KMT2C: variants seen among roughly 807,000 people sequenced by gnomAD.
KMT2C encodes lysine methyltransferase 2C.
Under a neutral mutation model 507.9 loss-of-function variants are expected in KMT2C, and 88 were observed. The observed-to-expected ratio is 0.17, with a 90% confidence interval of 0.15 to 0.21. The LOEUF (loss-of-function observed/expected upper bound fraction) is 0.21. Among genes scored for constraint, KMT2C ranks in the 10% least tolerant of loss-of-function variants. The pLI is 1.00. For missense variants in KMT2C, 4,954 were observed against 5,957.8 expected, an observed-to-expected ratio of 0.83 and a Z score of 5.55; for synonymous variants, 2,049 against 2,080.8, an observed-to-expected ratio of 0.98 and a Z score of 0.42.
At position 152,180,094 on chromosome 7, in the gene KMT2C, C is replaced by T. The variant is rs753656698; in HGVS notation, c.7182G>A (p.Gln2394=). The T allele has an allele frequency of 1.2e-6, 2 of 1,614,194 alleles. No homozygotes were observed. The highest frequency in any genetic ancestry group is 4.5e-5 in the East Asian group (2 of 44,888). Residue 2394 remains glutamine, a synonymous_variant, in exon 37 of 59, where the codon CAG becomes CAA. Coordinates refer to ENST00000262189, the MANE Select transcript of KMT2C (RefSeq NM_170606.3). ...GACCTGCAATCTTCTTCTGCTGTTG[C>T]TGCTGGAGAATGATTTCACGTAACT... ...RQKLREIILQ[Q]QQQKKIAGRQ...
chr7:152,346,449 T>C (rs535753811), intron 2 of KMT2C, among the ~76,000 whole-genome samples: 1 of 152,138 alleles, frequency 6.6e-6, no homozygotes, highest in Non-Finnish European at 1.5e-5. Context: ...AATCCCAAAA[T>C]ACTGAGACAT....
chr7:152,385,569 G>A (rs1316462118), intron 1 of KMT2C, among the ~76,000 whole-genome samples: 2 of 92,632 alleles, frequency 2.2e-5, no homozygotes, highest in Non-Finnish European at 3.5e-5. Context: ...CCGAGATCCC[G>A]CCACTGCACT....
chr7:152,367,436 T>G (rs2097256590), intron 1 of KMT2C: 1 of 720,448 alleles, frequency 1.4e-6, no homozygotes, highest in Non-Finnish European at 2.4e-6. Flanking sequence ...CAGGCTGGTC[T>G]GGAACTCCTG....
In KMT2C at chr7:152,303,981, T is replaced by A. The variant is rs193209444; in HGVS notation, c.849+5985A>T. Among the ~76,000 whole-genome samples, 43 of 152,110 alleles carry A rather than the reference T, an allele frequency of 2.8e-4. No homozygotes were observed. In the East Asian group the frequency reaches 7.7e-3, roughly 27 times the overall value. On this transcript the variant is annotated intron_variant, in intron 6 of 58. Coordinates refer to ENST00000262189, the MANE Select transcript of KMT2C (RefSeq NM_170606.3). Reference sequence around the variant, plus strand: ...CTCAGCCTAGGAGACAGAGAGAGACTATGTCTCCAAAAACAAAAAAAAAGA... The same window carrying A: ...CTCAGCCTAGGAGACAGAGAGAGACAATGTCTCCAAAAACAAAAAAAAAGA...
intron 6 of KMT2C, among the ~76,000 whole-genome samples, chr7:152,279,257 T>C (rs1326661494): frequency 6.6e-6 from 1 of 152,242 alleles, no homozygotes; most frequent in African/African-American, 2.4e-5. Flanking sequence ...AAATCATGTA[T>C]TATTTTTAAA....
At chr7:152,178,574 T>C (rs983721363) in intron 37 of KMT2C, among the ~76,000 whole-genome samples, 28 of 152,210 alleles carry the variant, frequency 1.8e-4, no homozygotes, top group Admixed American at 2.6e-4. Context: ...CTATTTTATA[T>C]TGTACTTCCT....
chr7:152,424,462 G>A (rs1201828192), intron 1 of KMT2C, among the ~76,000 whole-genome samples: 3 of 151,474 alleles, frequency 2.0e-5, no homozygotes, highest in East Asian at 1.9e-4. Context: ...TCACTCTGTC[G>A]CCCAGGCTTG....
At position 152,182,207 on chromosome 7, in the gene KMT2C, C is replaced by T; in HGVS notation, c.5653G>A (p.Gly1885Arg). ...GATGGTGGTCGTGAGTTAGAGGACC[C>T]AGGTGAAAACACTTGCGGTGAGGGT... The part of the protein sequence containing the change: ...QPPSPQVFSP[G>R]SSNSRPPSPM... The change falls in exon 36 of 59, where the codon GGG becomes AGG. Residue 1885 changes from glycine (G) to arginine (R), a missense_variant. Physicochemically the swap from Gly to Arg is moderately radical, Grantham distance 125. Around this residue, in one of 29 missense-constraint regions of KMT2C, gnomAD observed 1,689 missense variants for 1,654.3 expected, o/e 1.02. Transcript: ENST00000262189. 6.2e-7 allele frequency: 1 copy of T among 1,614,080 alleles called. No individual in the cohort carries two copies. Among genetic ancestry groups the T allele is most frequent in the Non-Finnish European group, 8.5e-7 (1 of 1,180,014 alleles).
At position 152,176,441 on chromosome 7, in the gene KMT2C, C is replaced by T. The variant is rs1193654749; in HGVS notation, c.9012G>A (p.Leu3004=). 1 of 1,614,180 alleles carries T rather than the reference C, an allele frequency of 6.2e-7. No homozygotes were observed. Among genetic ancestry groups the T allele is most frequent in the Non-Finnish European group, 8.5e-7 (1 of 1,180,050 alleles). Residue 3004 remains leucine, a synonymous_variant, in exon 38 of 59, where the codon CTG becomes CTA. Coordinates refer to ENST00000262189, the MANE Select transcript of KMT2C (RefSeq NM_170606.3). The stretch of plus-strand genomic sequence containing the variant: ...TTTGAGTTGCAGGTTTTCCTGTCCC[C>T]AGACTGTGGTTAACTGTTGATTGAC... ...IPGQSTVNHS[L]GTGKPATQTG...
rs1258567311 is a variant in KMT2C, at chr7:152,250,972, C to CA, written c.1622-7dup. On this transcript the variant is annotated splice_polypyrimidine_tract_variant and splice_region_variant and intron_variant, in intron 11 of 58. Transcript: ENST00000262189. ...TTCCATTTCATTGTTATAATCTTAA[C>CA]AAAAAATTATTAATTCTTTAGCTCA... is the stretch of plus-strand genomic sequence containing the variant. The CA allele has an allele frequency of 2.9e-5, 42 of 1,472,228 alleles. No individual in the cohort carries two copies. Among genetic ancestry groups the CA allele is most frequent in the Non-Finnish European group, 3.8e-5 (40 of 1,054,638 alleles). 91.2% of individuals were successfully genotyped at this position (1,472,228 alleles called of 1,614,324 possible).
At chr7:152,297,030 A>AAAGAAAGAAAGG (rs2096509759) in intron 6 of KMT2C, among the ~76,000 whole-genome samples, 1 of 99,820 alleles carries the variant, frequency 1.0e-5, no homozygotes, top group African/African-American at 5.0e-5. Flanking sequence ...AGAAAGAAAG[A>AAAGAAAGAAAGG]AAGAAAGAAA....
At chr7:152,341,925 C>T (rs1031977331) in intron 2 of KMT2C, among the ~76,000 whole-genome samples, 1 of 152,000 alleles carries the variant, frequency 6.6e-6, no homozygotes, top group Non-Finnish European at 1.5e-5. Context: ...AATAATATCA[C>T]TAAAGTTTCT....
chr7:152,314,914 T>G (rs1013039447), intron 4 of KMT2C, among the ~76,000 whole-genome samples: 1 of 152,158 alleles, frequency 6.6e-6, no homozygotes, highest in African/African-American at 2.4e-5. Context: ...CGCTTTCATA[T>G]ACAATTAATA....
At chr7:152,427,469 T>C (rs1029110467) in intron 1 of KMT2C, among the ~76,000 whole-genome samples, 1 of 152,230 alleles carries the variant, frequency 6.6e-6, no homozygotes, top group Non-Finnish European at 1.5e-5. Context: ...TTCAACAATG[T>C]ATCATAGACA....
chr7:152,231,949 G>C (rs112005925), intron 16 of KMT2C, among the ~76,000 whole-genome samples: 5 of 151,318 alleles, frequency 3.3e-5, no homozygotes, highest in Non-Finnish European at 7.4e-5. Flanking sequence ...GTGCAGTCTC[G>C]GCTCAGTGCA....
intron 6 of KMT2C, among the ~76,000 whole-genome samples, chr7:152,290,054 C>G (rs1366356708): frequency 1.4e-5 from 2 of 144,152 alleles, no homozygotes; most frequent in East Asian, 4.0e-4. Context: ...ACAAACAAAA[C>G]AAAACAAACA....
Position 152,178,015 on chromosome 7 carries a change from TAAAAAAAAAAA to T in KMT2C, c.7443-16_7443-6del, listed in dbSNP as rs746018833. 6.8e-4 allele frequency: 555 copies of T among 811,066 alleles called. 4 individuals carry two copies. In the African/African-American group the frequency reaches 0.014, roughly 20 times the overall value. 50.2% of individuals were successfully genotyped at this position (811,066 alleles called of 1,614,324 possible). On this transcript the variant is annotated splice_polypyrimidine_tract_variant and splice_region_variant and intron_variant, in intron 37 of 58. Transcript: ENST00000262189. ...CTACCTCCTGGAAATCCAAATCTTT[TAAAAAAAAAAA>T]AAAAAAAAAAAAAAAAGCAAATAGG...
At chr7:152,422,626 C>A (rs914328097) in intron 1 of KMT2C, among the ~76,000 whole-genome samples, 4 of 152,224 alleles carry the variant, frequency 2.6e-5, no homozygotes, top group South Asian at 2.1e-4. Flanking sequence ...ACCAATTGCT[C>A]AAAGTGGTAA....
chr7:152,175,319 G>A lies in KMT2C; in HGVS notation c.9262+872C>T, dbSNP rs529155133. On this transcript the variant is annotated intron_variant, in intron 38 of 58. Coordinates refer to ENST00000262189, the MANE Select transcript of KMT2C (RefSeq NM_170606.3). ...CGCTGCTATGCCCAGCTAATTTTTT[G>A]TTATTTTTTTTTAATTATTATACTT... Among the ~76,000 whole-genome samples, 16 of 151,606 alleles carry A rather than the reference G, an allele frequency of 1.1e-4. No homozygotes were observed. In the South Asian group the frequency reaches 2.3e-3, roughly 22 times the overall value.
Sources: allele counts gnomAD v4.1 joint callset (sites outside exome capture counted in the v4.1 genomes callset), GRCh38; gene constraint gnomAD v4.1.1; regional missense constraint gnomAD v4.1.1; transcripts MANE v1.5; gene names NCBI Gene and HGNC (gene_info 2026-07-23, HGNC 2026-07-21).